ASMT: variants seen among roughly 807,000 people sequenced by gnomAD.
ASMT encodes the protein acetylserotonin N-methyltransferase.
ASMT carries 53 observed loss-of-function variants against 41.3 expected under a neutral mutation model. The ratio of observed to expected loss-of-function variants is 1.28; its 90% confidence interval spans 1.03 to 1.61. ASMT has a LOEUF of 1.61. ASMT is among the 40% of genes most tolerant of loss of function. The pLI is 0.00. For missense variants in ASMT, 531 were observed against 441.3 expected (o/e 1.20, Z -1.82); for synonymous variants, 231 against 184.8 (o/e 1.25, Z -2.03).
chrX:1,629,167 C>T (rs1202737958), intron 4 of ASMT, among the ~76,000 whole-genome samples: 1 of 151,942 alleles, frequency 6.6e-6, no homozygotes, highest in Non-Finnish European at 1.5e-5. Flanking sequence ...CCATGTCTTC[C>T]ATGCTTACAT....
intron 1 of ASMT, among the ~76,000 whole-genome samples, chrX:1,619,919 G>A (rs1381695097): frequency 6.0e-5 from 9 of 150,762 alleles, no homozygotes; most frequent in Non-Finnish European, 8.9e-5. Context: ...GTGAAACCCC[G>A]TCTCTACTAA....
intron 8 of ASMT, 141 bp from the exon 9 acceptor site, chrX:1,642,662 T>A (rs1223139515): frequency 2.6e-6 from 2 of 762,698 alleles, no homozygotes; most frequent in African/African-American, 1.7e-5. Context: ...GATGAGGACG[T>A]GGGCACAGCC....
chrX:1,625,696 G>T (rs1177104978), intron 3 of ASMT, among the ~76,000 whole-genome samples: 25 of 151,910 alleles, frequency 1.6e-4, no homozygotes, highest in East Asian at 9.7e-4. Flanking sequence ...AGCCCATGCC[G>T]GTAATCCCAG....
chrX:1,627,769 C>T lies in ASMT; in HGVS notation c.441C>T (p.Tyr147=). 2.5e-6 allele frequency: 4 copies of T among 1,613,688 alleles called. No homozygotes were observed. Among genetic ancestry groups the T allele is most frequent in the South Asian group, 2.2e-5 (2 of 91,068 alleles). Residue 147 remains tyrosine, a splice_region_variant and synonymous_variant, in exon 4 of 9, where the codon TAC becomes TAT. Coordinates refer to ENST00000381241, the MANE Select transcript of ASMT (RefSeq NM_001171038.2). The stretch of plus-strand genomic sequence containing the variant: ...CTGAAGAGCTTTTTACGGCCATCTA[C>T]AGGTAACACCCATCACTTTGAAACC... ...VPAEELFTAI[Y]RSEGERLQFM...
At position 1,615,204 on chromosome X, in the gene ASMT, G is replaced by A. The variant is rs1233714732; in HGVS notation, c.5G>A (p.Gly2Glu). ...CACGGCTGGATTGGAGACAAGATGG[G>A]ATCCTCAGAGGACCAGGCCTATCGC... M[G>E]SSEDQAYRLL... The change falls in exon 1 of 9, where the codon GGA becomes GAA. Residue 2 changes from glycine to glutamate, a missense_variant. Physicochemically the swap from Gly to Glu is moderately conservative, Grantham distance 98 (BLOSUM62 -2). Transcript: ENST00000381241. The A allele has an allele frequency of 1.3e-6, 2 of 1,593,212 alleles. No homozygotes were observed. Among genetic ancestry groups the A allele is most frequent in the African/African-American group, 1.3e-5 (1 of 74,498 alleles).
At chrX:1,617,616 T>A (rs1216334636) in intron 1 of ASMT, among the ~76,000 whole-genome samples, 1 of 151,496 alleles carries the variant, frequency 6.6e-6, no homozygotes, top group Admixed American at 6.6e-5. Context: ...TTGTTTGTTT[T>A]TTTCCTTTTT....
intron 1 of ASMT, among the ~76,000 whole-genome samples, chrX:1,621,448 G>A (rs1446257814): frequency 5.9e-5 from 9 of 151,760 alleles, no homozygotes; most frequent in Non-Finnish European, 1.0e-4. Flanking sequence ...CTCCCCAGTA[G>A]CTGGGACTAC....
chrX:1,627,908 A>C, intron 4 of ASMT, 137 bp downstream of exon 4: 3 of 852,266 alleles, frequency 3.5e-6, no homozygotes, highest in South Asian at 1.4e-5. Flanking sequence ...AACATCCCCT[A>C]TCCCCACTAC....
chrX:1,629,970 G>A (rs769604895), intron 5 of ASMT, 31 bp downstream of exon 5: 2 of 1,559,660 alleles, frequency 1.3e-6, no homozygotes, highest in East Asian at 2.2e-5. Flanking sequence ...ATACCTCGGA[G>A]GTGTGGCTTC....
At chrX:1,630,409 G>A (rs757142314) in intron 5 of ASMT, among the ~76,000 whole-genome samples, 213 of 150,400 alleles carry the variant, frequency 1.4e-3, no homozygotes, top group African/African-American at 4.8e-3. Context: ...GGGTTCAAGC[G>A]ATTCTCCTGC....
At position 1,624,305 on chromosome X, in the gene ASMT, T is replaced by C. The variant is rs1388551821; in HGVS notation, c.281T>C (p.Leu94Pro). The C allele has an allele frequency of 6.2e-7, 1 of 1,613,896 alleles. No individual in the cohort carries two copies. The highest frequency in any genetic ancestry group is 8.5e-7 in the Non-Finnish European group (1 of 1,179,882). ...AACACAGAGCTGTCCAGCGACTACC[T>C]GACCACGGTCAGCCCGACGTCACAA... is the stretch of plus-strand genomic sequence containing the variant. ...YRNTELSSDY[L>P]TTVSPTSQCS... The change falls in exon 3 of 9, where the codon CTG becomes CCG. Residue 94 changes from leucine (L) to proline (P), a missense_variant. By Grantham distance (98) the Leu-to-Pro change is moderately conservative. Transcript: ENST00000381241.
intron 7 of ASMT, among the ~76,000 whole-genome samples, chrX:1,634,611 T>A (rs1419240572): frequency 1.3e-5 from 2 of 152,092 alleles, no homozygotes; most frequent in African/African-American, 4.8e-5. Context: ...AATCCTCTCT[T>A]TAGAATGTGG....
At chrX:1,630,068 A>G (rs1192024667) in intron 5 of ASMT, 129 bp downstream of exon 5, 4 of 880,020 alleles carry the variant, frequency 4.5e-6, no homozygotes, top group Admixed American at 1.8e-5. Flanking sequence ...TCTTAGAGGA[A>G]TCATTCCTCC....
At chrX:1,627,941 A>C (rs1934618696) in intron 4 of ASMT, 170 bp downstream of exon 4, 5 of 697,690 alleles carry the variant, frequency 7.2e-6, no homozygotes, top group Non-Finnish European at 1.3e-5. Flanking sequence ...TGCTCATCTG[A>C]TGTTTAAATT....
chrX:1,620,253 C>A (rs1308689235), intron 1 of ASMT, among the ~76,000 whole-genome samples: 1 of 141,332 alleles, frequency 7.1e-6, no homozygotes, highest in Non-Finnish European at 1.5e-5. Flanking sequence ...CTCACTGCAA[C>A]CTCCGCCTCC....
At chrX:1,641,279 A>T (rs28537534) in intron 8 of ASMT, among the ~76,000 whole-genome samples, 35 of 15,240 alleles carry the variant, frequency 2.3e-3, no homozygotes, top group South Asian at 2.6e-3. Flanking sequence ...TCTGTGTGTG[A>T]GATAGGGACC....
At chrX:1,629,451 C>T (rs1795710002) in intron 4 of ASMT, among the ~76,000 whole-genome samples, 1 of 152,174 alleles carries the variant, frequency 6.6e-6, no homozygotes, top group South Asian at 2.1e-4. Context: ...GCCTCTTCCC[C>T]AGGATGTGTG....
intron 3 of ASMT, among the ~76,000 whole-genome samples, chrX:1,625,108 CT>C (rs58353783): frequency 0.44 from 59,304 of 135,790 alleles, 12,729 homozygotes; most frequent in East Asian, 0.66. Flanking sequence ...TCTTTTCTTT[CT>C]TTTTTTTTTT....
chrX:1,617,087 C>G (rs1273838548), intron 1 of ASMT, among the ~76,000 whole-genome samples: 1 of 151,838 alleles, frequency 6.6e-6, no homozygotes, highest in Admixed American at 6.6e-5. Flanking sequence ...GCGGGAGGAT[C>G]GCTTAAGCCT....
Sources: gnomAD v4.1 joint callset for allele counts (sites outside exome capture counted in the v4.1 genomes callset) on GRCh38, gnomAD v4.1.1 for gene constraint, MANE v1.5 for transcripts, NCBI Gene and HGNC (gene_info 2026-07-23, HGNC 2026-07-21) for gene names.